L3MBTL4: variants seen among roughly 807,000 people sequenced by gnomAD.
L3MBTL4 encodes lethal(3)malignant brain tumor-like protein 4.
L3MBTL4 carries 70 observed loss-of-function variants against 84.5 expected under a neutral mutation model. That is an observed-to-expected ratio of 0.83 (90% CI 0.68 to 1.01). The LOEUF (loss-of-function observed/expected upper bound fraction) is 1.01, where lower values mean the gene tolerates loss of function less well. Ranked by LOEUF, L3MBTL4 falls within the 50% of genes least tolerant of loss-of-function variation. L3MBTL4 has a pLI of 0.00. For synonymous variants in L3MBTL4, 274 were observed against 259.8 expected, an observed-to-expected ratio of 1.05 and a Z score of -0.52; for missense variants, 715 against 754.8, an observed-to-expected ratio of 0.95 and a Z score of 0.62.
At chr18:6,314,409 G>A (rs1302627461) in intron 1 of L3MBTL4, among the ~76,000 whole-genome samples, 1 of 152,130 alleles carries the variant, frequency 6.6e-6, no homozygotes, top group African/African-American at 2.4e-5. Flanking sequence ...GGAAAGTAAA[G>A]GTATATACCA....
chr18:6,004,997 A>ATTTTTTTTTTTTTTTT (rs60294342), intron 16 of L3MBTL4, among the ~76,000 whole-genome samples: 26 of 52,154 alleles, frequency 5.0e-4, no homozygotes, highest in Admixed American at 7.0e-4. Context: ...TAAGATGATA[A>ATTTTTTTTTTTTTTTT]TTTTTTTTTT....
intron 1 of L3MBTL4, among the ~76,000 whole-genome samples, chr18:6,357,605 C>T (rs2053503017): frequency 6.6e-6 from 1 of 152,154 alleles, no homozygotes; most frequent in African/African-American, 2.4e-5. Context: ...CTCATCAAGA[C>T]ACTACATACA....
intron 16 of L3MBTL4, among the ~76,000 whole-genome samples, chr18:6,052,706 G>A (rs1331958070): frequency 1.3e-5 from 2 of 152,178 alleles, no homozygotes; most frequent in Non-Finnish European, 2.9e-5. Flanking sequence ...CTGAATTTAC[G>A]TTTTGCAAAT....
At chr18:5,998,940 A>C (rs1334619422) in intron 16 of L3MBTL4, among the ~76,000 whole-genome samples, 12 of 152,160 alleles carry the variant, frequency 7.9e-5, no homozygotes, top group African/African-American at 2.9e-4. Flanking sequence ...AATCTAACTA[A>C]GTTATTCTCC....
chr18:6,398,592 G>A (rs935396099), intron 1 of L3MBTL4, among the ~76,000 whole-genome samples: 6 of 152,086 alleles, frequency 3.9e-5, no homozygotes, highest in Non-Finnish European at 7.4e-5. Context: ...TGACTTCCTC[G>A]CCTTCTTGTT....
chr18:6,237,653 A>G (rs1028148258), intron 10 of L3MBTL4, among the ~76,000 whole-genome samples: 3 of 151,296 alleles, frequency 2.0e-5, no homozygotes, highest in Admixed American at 2.0e-4. Flanking sequence ...ATGGGGTTTC[A>G]CCATATTGGC....
intron 8 of L3MBTL4, 72 bp downstream of exon 8, chr18:6,241,286 G>T: frequency 1.1e-6 from 1 of 871,284 alleles, no homozygotes; most frequent in Admixed American, 2.1e-5. Flanking sequence ...AAATAAAACA[G>T]AATATATAGT....
At chr18:6,167,628 C>T (rs2043741728) in intron 13 of L3MBTL4, among the ~76,000 whole-genome samples, 1 of 146,360 alleles carries the variant, frequency 6.8e-6, no homozygotes, top group Non-Finnish European at 1.6e-5. Context: ...AATTCAACAA[C>T]CCTTCATGCT....
chr18:6,384,826 T>C (rs958255255), intron 1 of L3MBTL4, among the ~76,000 whole-genome samples: 1 of 152,054 alleles, frequency 6.6e-6, no homozygotes, highest in African/African-American at 2.4e-5. Flanking sequence ...CACTCAACAG[T>C]ATGTGCAGTC....
chr18:6,176,130 A>C (rs1449389901), intron 12 of L3MBTL4, among the ~76,000 whole-genome samples: 1 of 152,170 alleles, frequency 6.6e-6, no homozygotes, highest in African/African-American at 2.4e-5. Flanking sequence ...ATCTCTTCCC[A>C]GATTGTTCCA....
At chr18:6,013,794 A>G (rs550064625) in intron 16 of L3MBTL4, among the ~76,000 whole-genome samples, 5 of 152,252 alleles carry the variant, frequency 3.3e-5, no homozygotes, top group African/African-American at 4.8e-5. Context: ...AATCTGGCAC[A>G]TATTAGGCAA....
At chr18:6,150,691 G>A (rs1191211717) in intron 13 of L3MBTL4, among the ~76,000 whole-genome samples, 1 of 152,120 alleles carries the variant, frequency 6.6e-6, no homozygotes, top group Non-Finnish European at 1.5e-5. Flanking sequence ...ATTCACTGGT[G>A]GCTTTGAATT....
At chr18:6,197,394 G>A (rs2045450732) in intron 12 of L3MBTL4, among the ~76,000 whole-genome samples, 2 of 152,132 alleles carry the variant, frequency 1.3e-5, no homozygotes, top group African/African-American at 4.8e-5. Context: ...TTAGTTTGCT[G>A]AGGATAATGG....
chr18:6,148,724 C>T (rs1467872769), intron 13 of L3MBTL4, among the ~76,000 whole-genome samples: 2 of 152,124 alleles, frequency 1.3e-5, no homozygotes, highest in East Asian at 1.9e-4. Flanking sequence ...AGCTACCATG[C>T]CCAACCATAA....
At chr18:6,377,883 T>C (rs1415706159) in intron 1 of L3MBTL4, among the ~76,000 whole-genome samples, 1 of 152,222 alleles carries the variant, frequency 6.6e-6, no homozygotes, top group African/African-American at 2.4e-5. Context: ...TTCTAGATCC[T>C]TGAGGAATTG....
At chr18:6,065,933 G>A (rs955705044) in intron 16 of L3MBTL4, among the ~76,000 whole-genome samples, 1 of 151,690 alleles carries the variant, frequency 6.6e-6, no homozygotes, top group East Asian at 1.9e-4. Flanking sequence ...CTAGTTTCTT[G>A]AGAAGTGATA....
chr18:5,992,885 T>C (rs1031888310), intron 16 of L3MBTL4, among the ~76,000 whole-genome samples: 8 of 152,208 alleles, frequency 5.3e-5, no homozygotes, highest in African/African-American at 1.9e-4. Flanking sequence ...CTTTTCTTTA[T>C]AAATTACTCA....
At chr18:6,028,467 C>T (rs545222261) in intron 16 of L3MBTL4, among the ~76,000 whole-genome samples, 8 of 152,230 alleles carry the variant, frequency 5.3e-5, no homozygotes, top group Admixed American at 2.0e-4. Flanking sequence ...AGTCAGGTAG[C>T]GTGATGCCTC....
chr18:6,057,434 T>A (rs1055374498), intron 16 of L3MBTL4, among the ~76,000 whole-genome samples: 1 of 152,244 alleles, frequency 6.6e-6, no homozygotes, highest in Non-Finnish European at 1.5e-5. Context: ...TAATTATCTC[T>A]TTCTAAAGGC....
Sources: gnomAD v4.1 joint callset for allele counts (sites outside exome capture counted in the v4.1 genomes callset) on GRCh38, gnomAD v4.1.1 for gene constraint, MANE v1.5 for transcripts, NCBI Gene and HGNC (gene_info 2026-07-23, HGNC 2026-07-21) for gene names.